The following ZCCHC14 variants were observed in gnomAD, a reference collection of about 807,000 sequenced individuals.
ZCCHC14 encodes the protein zinc finger CCHC domain-containing protein 14.
In ZCCHC14, 16 loss-of-function variants were observed where a neutral mutation model predicts 85.0. That is an observed-to-expected ratio of 0.19 (90% CI 0.13 to 0.29). ZCCHC14 has a LOEUF of 0.29. ZCCHC14 is among the 10% of genes least tolerant of loss of function. The pLI is 1.00. For missense variants in ZCCHC14, 1,303 were observed against 1,443.5 expected (o/e 0.90, Z 1.58); for synonymous variants, 775 against 630.7 (o/e 1.23, Z -3.43).
At position 87,419,869 on chromosome 16, in the gene ZCCHC14, G is replaced by A; in HGVS notation, c.959C>T (p.Ala320Val). The change falls in exon 6 of 13, where the codon GCC becomes GTC. Residue 320 changes from alanine (A) to valine (V), a missense_variant. Coordinates refer to ENST00000671377, the MANE Select transcript of ZCCHC14 (RefSeq NM_015144.3). The stretch of plus-strand genomic sequence containing the variant: ...TTTCAACACGTGAGAAGGTAATGAG[G>A]CCAGGTACCTAAAAGGCAAACAAGT... ...VDLDSGLRYL[A>V]SLPSHVLKND... 1 of 1,608,046 alleles carries A rather than the reference G, an allele frequency of 6.2e-7. No homozygotes were observed. Among genetic ancestry groups the A allele is most frequent in the Non-Finnish European group, 8.5e-7 (1 of 1,178,072 alleles).
chr16:87,482,593 G>A (rs1455870539), intron 1 of ZCCHC14, among the ~76,000 whole-genome samples: 1 of 152,200 alleles, frequency 6.6e-6, no homozygotes, highest in African/African-American at 2.4e-5. Flanking sequence ...CGAGAGGTAA[G>A]AAACAAAACC....
intron 3 of ZCCHC14, among the ~76,000 whole-genome samples, chr16:87,424,130 G>A (rs1227934179): frequency 6.6e-6 from 1 of 152,310 alleles, no homozygotes; most frequent in Admixed American, 6.5e-5. Flanking sequence ...TCCAGAGTGG[G>A]GTCTACAGCT....
At chr16:87,471,576 G>T (rs575875939) in intron 1 of ZCCHC14, 35 of 152,376 alleles carry the variant, frequency 2.3e-4, no homozygotes, top group African/African-American at 7.7e-4. Context: ...TAGGAACACC[G>T]GCCCCAACTG....
At chr16:87,465,381 T>C (rs755833216) in intron 1 of ZCCHC14, among the ~76,000 whole-genome samples, 3 of 152,396 alleles carry the variant, frequency 2.0e-5, no homozygotes, top group African/African-American at 7.2e-5. Flanking sequence ...CAAAAACTTC[T>C]GCAATCTACA....
intron 2 of ZCCHC14, among the ~76,000 whole-genome samples, chr16:87,449,583 T>C (rs1005212950): frequency 2.0e-5 from 3 of 152,108 alleles, no homozygotes; most frequent in African/African-American, 7.2e-5. Context: ...AGAAAACCAG[T>C]AGTTTTCCGC....
chr16:87,480,428 G>A (rs1294172066), intron 1 of ZCCHC14, among the ~76,000 whole-genome samples: 1 of 152,068 alleles, frequency 6.6e-6, no homozygotes, highest in Non-Finnish European at 1.5e-5. Flanking sequence ...ATAAAAATGA[G>A]AAAGTAGAAT....
At position 87,412,335 on chromosome 16, in the gene ZCCHC14, T is replaced by A; in HGVS notation, c.2386A>T (p.Asn796Tyr). The change falls in exon 12 of 13, where the codon AAT becomes TAT. Residue 796 changes from asparagine to tyrosine, a missense_variant. Asn to Tyr is a moderately radical substitution (Grantham distance 143). This residue lies in a region of ZCCHC14 where 797 missense variants were observed against 730.8 expected (regional missense o/e 1.09). Coordinates refer to ENST00000671377, the MANE Select transcript of ZCCHC14 (RefSeq NM_015144.3). ...SAISGQTSCP[N>Y]NVQISVPPAI... Reference sequence around the variant, plus strand: ...GGGGGCACACTTATTTGCACATTATTAGGACAGGAAGTTTGCCCAGAAATG... The same window carrying A: ...GGGGGCACACTTATTTGCACATTATAAGGACAGGAAGTTTGCCCAGAAATG... 6.2e-7 allele frequency: 1 copy of A among 1,614,072 alleles called. No individual in the cohort carries two copies. The highest frequency in any genetic ancestry group is 1.7e-5 in the Admixed American group (1 of 60,034).
intron 3 of ZCCHC14, among the ~76,000 whole-genome samples, chr16:87,429,169 A>G (rs986243322): frequency 6.6e-6 from 1 of 152,158 alleles, no homozygotes; most frequent in Admixed American, 6.6e-5. Flanking sequence ...ATGTGATTCT[A>G]GCTCCCCCAC....
chr16:87,425,547 G>C (rs184662817), intron 3 of ZCCHC14, among the ~76,000 whole-genome samples: 158 of 151,786 alleles, frequency 1.0e-3, no homozygotes, highest in Non-Finnish European at 3.4e-4. Context: ...TTGCACTCCA[G>C]CCTGGGCAAC....
At position 87,492,300 on chromosome 16, in the gene ZCCHC14, GCC is replaced by G; in HGVS notation, c.-64_-63del. 1 of 909,082 alleles carries G rather than the reference GCC, an allele frequency of 1.1e-6. No homozygotes were observed. Among genetic ancestry groups the G allele is most frequent in the Non-Finnish European group, 1.3e-6 (1 of 764,370 alleles). 56.3% of individuals were successfully genotyped at this position (909,082 alleles called of 1,614,324 possible). ...GACCGCGCGGGGGCGGCCGGGGGGCGCCGGGGGCCGCGGCCGGGGCGCGCCGG... is the reference window on the plus strand; with the variant it reads ...GACCGCGCGGGGGCGGCCGGGGGGCGGGGGGCCGCGGCCGGGGCGCGCCGG... On this transcript the variant is annotated 5_prime_UTR_variant, in exon 1 of 13. Transcript: ENST00000671377. The surrounding 1 kb of genome is among the most constrained non-coding windows in gnomAD (Gnocchi z 6.7).
chr16:87,437,413 G>A (rs984113117), intron 2 of ZCCHC14, among the ~76,000 whole-genome samples: 3 of 151,402 alleles, frequency 2.0e-5, no homozygotes, highest in Non-Finnish European at 4.4e-5. Flanking sequence ...GAGCCAGAGG[G>A]ACCACAAAGA....
intron 3 of ZCCHC14, among the ~76,000 whole-genome samples, chr16:87,429,897 G>A (rs535300146): frequency 2.0e-5 from 3 of 152,302 alleles, no homozygotes; most frequent in South Asian, 2.1e-4. Context: ...GTGAGCCACC[G>A]CGCCCAGCCG....
intron 2 of ZCCHC14, among the ~76,000 whole-genome samples, chr16:87,448,381 A>T (rs911914757): frequency 6.6e-6 from 1 of 152,138 alleles, no homozygotes; most frequent in Non-Finnish European, 1.5e-5. Flanking sequence ...TCCCTTATCA[A>T]AAAAAACAAC....
At chr16:87,427,583 G>A (rs1004038551) in intron 3 of ZCCHC14, among the ~76,000 whole-genome samples, 8 of 152,014 alleles carry the variant, frequency 5.3e-5, no homozygotes, top group South Asian at 2.1e-4. Flanking sequence ...CTAAAATAAC[G>A]TCTGGGTGAC....
intron 3 of ZCCHC14, among the ~76,000 whole-genome samples, chr16:87,425,217 A>T (rs1909305899): frequency 6.6e-6 from 1 of 152,202 alleles, no homozygotes; most frequent in Non-Finnish European, 1.5e-5. Context: ...GGCAAGCAGC[A>T]GCGTCCCTGG....
chr16:87,425,698 C>T (rs1909335444), intron 3 of ZCCHC14, among the ~76,000 whole-genome samples: 1 of 152,218 alleles, frequency 6.6e-6, no homozygotes, highest in Non-Finnish European at 1.5e-5. Context: ...AAGCTGCTCC[C>T]CACACAGAAC....
At chr16:87,467,844 G>A (rs1567538087) in intron 1 of ZCCHC14, among the ~76,000 whole-genome samples, 1 of 152,158 alleles carries the variant, frequency 6.6e-6, no homozygotes, top group Non-Finnish European at 1.5e-5. Flanking sequence ...GTAGAGACGG[G>A]GTTTCACCGT....
At position 87,423,580 on chromosome 16, in the gene ZCCHC14, C is replaced by G. The variant is rs149713352; in HGVS notation, c.840+230G>C. 7.3e-3 allele frequency among the ~76,000 whole-genome samples: 1,113 copies of G among 152,282 alleles called. 13 individuals carry two copies. The highest frequency in any genetic ancestry group is 0.054 in the Middle Eastern group (16 of 294). On this transcript the variant is annotated intron_variant, in intron 4 of 12. Coordinates refer to ENST00000671377, the MANE Select transcript of ZCCHC14 (RefSeq NM_015144.3). ...TGCCCGGCGCATCTCTCAGCCTCAT[C>G]TCAGTCTCAACAAGTGAAGGAGGCA...
At chr16:87,434,513 T>C (rs1017719810) in intron 2 of ZCCHC14, among the ~76,000 whole-genome samples, 4 of 152,238 alleles carry the variant, frequency 2.6e-5, no homozygotes, top group Non-Finnish European at 5.9e-5. Flanking sequence ...TCTGCTAATT[T>C]GTAGAATCTA....
Sources: allele counts gnomAD v4.1 joint callset (sites outside exome capture counted in the v4.1 genomes callset), GRCh38; gene constraint gnomAD v4.1.1; regional missense constraint gnomAD v4.1.1; non-coding constraint Gnocchi (gnomAD v3.1); transcripts MANE v1.5; gene names NCBI Gene and HGNC (gene_info 2026-07-23, HGNC 2026-07-21).